The following MLLT10 variants were observed in gnomAD, a reference collection of about 807,000 sequenced individuals.
MLLT10 encodes the protein MLLT10 histone lysine methyltransferase DOT1L cofactor.
MLLT10 carries 30 observed loss-of-function variants against 129.1 expected under a neutral mutation model. The ratio of observed to expected loss-of-function variants is 0.23; its 90% confidence interval spans 0.17 to 0.32. The LOEUF (loss-of-function observed/expected upper bound fraction) is 0.32. Among genes scored for constraint, MLLT10 ranks in the 10% least tolerant of loss-of-function variants. The probability of loss-of-function intolerance (pLI) is 1.00; values close to 1 mark genes in which losing one functional copy is unlikely to be tolerated. For missense variants in MLLT10, 1,119 were observed against 1,268.3 expected, an observed-to-expected ratio of 0.88 and a Z score of 1.79; for synonymous variants, 490 against 446.4, an observed-to-expected ratio of 1.10 and a Z score of -1.23.
intron 13 of MLLT10, among the ~76,000 whole-genome samples, chr10:21,700,926 T>A (rs1449096230): frequency 6.6e-6 from 1 of 152,218 alleles, no homozygotes; most frequent in Non-Finnish European, 1.5e-5. Flanking sequence ...TGTATACATT[T>A]GGTAGAATTC....
rs2131323161 is a variant in MLLT10, at chr10:21,651,746, C to T, written c.773C>T (p.Ser258Phe). The part of the protein sequence containing the change: ...QPEPSPALVP[S>F]LTVTTEKTYT... ...GAACCATCACCTGCATTGGTTCCAT[C>T]CTTGACTGTTACTACAGAAAAAGTA... The change falls in exon 9 of 23, where the codon TCC (serine) becomes TTC (phenylalanine). Residue 258 changes from serine to phenylalanine, a missense_variant. Physicochemically the swap from Ser to Phe is radical, Grantham distance 155 (BLOSUM62 -2). This residue lies in a region of MLLT10 where 1,004 missense variants were observed against 1,008.7 expected (regional missense o/e 1.00). Coordinates refer to ENST00000307729, the MANE Select transcript of MLLT10 (RefSeq NM_001195626.3). 6.2e-7 allele frequency: 1 copy of T among 1,612,036 alleles called. No homozygotes were observed. Among genetic ancestry groups the T allele is most frequent in the East Asian group, 2.2e-5 (1 of 44,828 alleles).
intron 14 of MLLT10, among the ~76,000 whole-genome samples, chr10:21,717,710 C>CTCT (rs2056784022): frequency 2.6e-5 from 2 of 77,266 alleles, no homozygotes; most frequent in East Asian, 5.4e-4. Flanking sequence ...CTTCCTCCTC[C>CTCT]TCCTCTTCCT....
intron 13 of MLLT10, among the ~76,000 whole-genome samples, chr10:21,682,738 T>G (rs1273040916): frequency 6.6e-6 from 1 of 152,196 alleles, no homozygotes; most frequent in Non-Finnish European, 1.5e-5. Flanking sequence ...GGGACCAGGT[T>G]TTTTACAGTG....
rs1273241180 is a variant in MLLT10, at chr10:21,743,479, TA to T, written c.*1497del. On this transcript the variant is annotated 3_prime_UTR_variant, in exon 23 of 23. Coordinates refer to ENST00000307729, the MANE Select transcript of MLLT10 (RefSeq NM_001195626.3). The stretch of plus-strand genomic sequence containing the variant: ...GATAATTTAAAAAATCAGTGTGGTT[TA>T]TTTTACTTATTTAACCCACTGGTTG... 2.1e-5 allele frequency: 4 copies of T among 190,484 alleles called. No homozygotes were observed. The highest frequency in any genetic ancestry group is 9.3e-5 in the African/African-American group (4 of 42,978). 11.8% of individuals were successfully genotyped at this position (190,484 alleles called of 1,614,324 possible). A position where few individuals can be genotyped will look rare whatever the true frequency, so the allele number is the denominator to read the frequency against.
intron 9 of MLLT10, among the ~76,000 whole-genome samples, chr10:21,665,301 T>TTTGG (rs1491305314): frequency 8.9e-6 from 1 of 112,960 alleles, no homozygotes; most frequent in African/African-American, 3.8e-5. Flanking sequence ...TTGTTTTTTT[T>TTTGG]GGGGGGGGGG....
chr10:21,722,916 TGTA>T (rs973185629), intron 14 of MLLT10, among the ~76,000 whole-genome samples: 1 of 152,170 alleles, frequency 6.6e-6, no homozygotes, highest in African/African-American at 2.4e-5. Context: ...TAATATGGAA[TGTA>T]GTAGATGTTT....
At chr10:21,721,890 T>C (rs1161417103) in intron 14 of MLLT10, among the ~76,000 whole-genome samples, 1 of 152,082 alleles carries the variant, frequency 6.6e-6, no homozygotes, top group Non-Finnish European at 1.5e-5. Context: ...CTTCTCTTAA[T>C]GAGGTTTTTA....
chr10:21,654,507 T>TA (rs2049361915), intron 9 of MLLT10, among the ~76,000 whole-genome samples: 2 of 152,230 alleles, frequency 1.3e-5, no homozygotes, highest in African/African-American at 4.8e-5. Flanking sequence ...TGAGGAGTAT[T>TA]AGAGATTTGA....
At chr10:21,721,880 C>T (rs995127253) in intron 14 of MLLT10, among the ~76,000 whole-genome samples, 2 of 151,954 alleles carry the variant, frequency 1.3e-5, no homozygotes, top group Admixed American at 1.3e-4. Flanking sequence ...AATAATTACA[C>T]TTCTCTTAAT....
chr10:21,580,405 T>TC lies in MLLT10; in HGVS notation c.241-5888dup, dbSNP rs34765647. On this transcript the variant is annotated intron_variant, in intron 3 of 22. Transcript: ENST00000307729. ...ATTTTGTGTATTTTTTTTTTTTTTT[T>TC]CGAGATGGAGTCTTGCTCTGTCACC... Among the ~76,000 whole-genome samples, 403 of 151,230 alleles carry TC rather than the reference T, an allele frequency of 2.7e-3. 3 individuals are homozygous for TC. Among genetic ancestry groups the TC allele is most frequent in the African/African-American group, 9.3e-3 (381 of 41,184 alleles).
intron 11 of MLLT10, among the ~76,000 whole-genome samples, chr10:21,677,380 C>T (rs1478490688): frequency 6.6e-6 from 1 of 152,140 alleles, no homozygotes; most frequent in African/African-American, 2.4e-5. Flanking sequence ...AAAATGTATA[C>T]AGTCATCCTT....
chr10:21,539,042 C>T, intron 3 of MLLT10, 130 bp downstream of exon 3: 1 of 566,684 alleles, frequency 1.8e-6, no homozygotes. Context: ...ATAATTTAGG[C>T]CAAATATTGA....
In MLLT10 at chr10:21,662,601, C is replaced by T. The variant is rs117438818; in HGVS notation, c.796-7848C>T. Among the ~76,000 whole-genome samples, 501 of 152,238 alleles carry T rather than the reference C, an allele frequency of 3.3e-3. 2 individuals are homozygous for T. The highest frequency in any genetic ancestry group is 0.022 in the East Asian group (116 of 5,182). On this transcript the variant is annotated intron_variant, in intron 9 of 22. Transcript: ENST00000307729. ...TGCATATGTTCTTGCATGTTGTCTA[C>T]CTTTTCCATTAAATTCCTTATCATA...
intron 8 of MLLT10, among the ~76,000 whole-genome samples, chr10:21,621,187 G>A (rs1040585588): frequency 1.4e-5 from 2 of 145,208 alleles, no homozygotes; most frequent in African/African-American, 5.1e-5. Context: ...GTAGAGATGG[G>A]GTTTCACTGT....
intron 13 of MLLT10, among the ~76,000 whole-genome samples, chr10:21,686,219 G>A (rs1010120971): frequency 6.6e-6 from 1 of 151,966 alleles, no homozygotes; most frequent in Admixed American, 6.6e-5. Context: ...GAAATACAAG[G>A]CACTTTCTTT....
intron 3 of MLLT10, among the ~76,000 whole-genome samples, chr10:21,554,030 T>G (rs947496142): frequency 1.3e-5 from 2 of 152,200 alleles, no homozygotes; most frequent in African/African-American, 4.8e-5. Flanking sequence ...GTTATTCTGA[T>G]ACTCACGATG....
At chr10:21,657,723 A>T (rs1395659632) in intron 9 of MLLT10, among the ~76,000 whole-genome samples, 1 of 152,156 alleles carries the variant, frequency 6.6e-6, no homozygotes, top group African/African-American at 2.4e-5. Flanking sequence ...ATACGTGATC[A>T]GGTTTTTGTC....
intron 8 of MLLT10, among the ~76,000 whole-genome samples, chr10:21,641,366 TA>T (rs2047983046): frequency 6.6e-6 from 1 of 152,216 alleles, no homozygotes; most frequent in East Asian, 1.9e-4. Context: ...CATAGATACA[TA>T]CATAAAAAGG....
At chr10:21,575,886 T>C (rs2040679274) in intron 3 of MLLT10, among the ~76,000 whole-genome samples, 1 of 152,158 alleles carries the variant, frequency 6.6e-6, no homozygotes, top group African/African-American at 2.4e-5. Flanking sequence ...TCCCTCTCTT[T>C]ACTATGTAGC....
Sources: allele counts gnomAD v4.1 joint callset (sites outside exome capture counted in the v4.1 genomes callset), GRCh38; gene constraint gnomAD v4.1.1; regional missense constraint gnomAD v4.1.1; transcripts MANE v1.5; gene names NCBI Gene and HGNC (gene_info 2026-07-23, HGNC 2026-07-21).